The following AHCY variants were observed in gnomAD, a reference collection of about 807,000 sequenced individuals.
The protein encoded by AHCY is adenosylhomocysteinase, also known as S-adenosyl-L-homocysteine hydrolase.
AHCY carries 24 observed loss-of-function variants against 45.4 expected under a neutral mutation model. That is an observed-to-expected ratio of 0.53 (90% CI 0.38 to 0.74). AHCY has a LOEUF of 0.74. AHCY is among the 30% of genes least tolerant of loss of function. The pLI is 0.00. For synonymous variants in AHCY, 245 were observed against 235.1 expected, an observed-to-expected ratio of 1.04 and a Z score of -0.39; for missense variants, 449 against 594.1, an observed-to-expected ratio of 0.76 and a Z score of 2.54.
intron 9 of AHCY, among the ~76,000 whole-genome samples, chr20:34,282,056 T>A (rs2036021984): frequency 6.6e-6 from 1 of 152,220 alleles, no homozygotes; most frequent in Non-Finnish European, 1.5e-5. Flanking sequence ...TATCTATAAA[T>A]TCTTTGATAC....
At chr20:34,287,643 C>G (rs912175304) in intron 8 of AHCY, among the ~76,000 whole-genome samples, 1 of 151,656 alleles carries the variant, frequency 6.6e-6, no homozygotes, top group East Asian at 1.9e-4. Flanking sequence ...CCGCCTGCCT[C>G]GGCCTCCCAA....
At chr20:34,272,374 G>A in the AHCY span, among the ~76,000 whole-genome samples, 62 of 152,312 alleles carry the variant, frequency 4.1e-4, no homozygotes, top group African/African-American at 1.5e-3. Flanking sequence ...AATCAGTTCT[G>A]CAGTGGACAC....
the AHCY span, chr20:34,234,891 C>G: frequency 6.6e-6 from 1 of 151,116 alleles, no homozygotes; most frequent in African/African-American, 2.4e-5. Context: ...TCATATATTT[C>G]ATGTTTACCG....
the AHCY span, chr20:34,234,940 T>C: frequency 6.6e-6 from 1 of 152,246 alleles, no homozygotes; most frequent in African/African-American, 2.4e-5. Context: ...CGCATTTGAT[T>C]TAATCTTGTG....
chr20:34,261,507 G>A, the AHCY span, among the ~76,000 whole-genome samples: 18 of 152,146 alleles, frequency 1.2e-4, no homozygotes, highest in African/African-American at 1.9e-4. Context: ...GGTAGCATGC[G>A]CCTGTAGTCC....
chr20:34,254,961 G>C, the AHCY span, among the ~76,000 whole-genome samples: 1 of 152,104 alleles, frequency 6.6e-6, no homozygotes, highest in African/African-American at 2.4e-5. Flanking sequence ...GTTTTGCCGG[G>C]GGTTGGTCTG....
intron 1 of AHCY, chr20:34,301,863 TCA>T: frequency 5.1e-6 from 5 of 985,462 alleles, no homozygotes; most frequent in Non-Finnish European, 6.0e-6. Context: ...CCCAAGGGCC[TCA>T]GTTTCATGCT....
Position 34,281,048 on chromosome 20 carries a change from G to A in AHCY, c.1285C>T (p.His429Tyr). The change falls in exon 10 of 10, where the codon CAC becomes TAC. Residue 429 changes from histidine (H) to tyrosine (Y), a missense_variant. Physicochemically the swap from His to Tyr is moderately conservative, Grantham distance 83. Transcript: ENST00000217426. ...AGACCTGGCTCTCAGTAGCGGTAGT[G>A]ATCCGGCTTGAAGGGGCCATCACAG... Reference protein sequence around the residue: ...MSCDGPFKPDHYRY With the variant: ...MSCDGPFKPDYYRY 3 of 1,614,180 alleles carry A rather than the reference G, an allele frequency of 1.9e-6. No homozygotes were observed. The African/African-American group carries it at 4.0e-5, about 22-fold the overall frequency.
At chr20:34,235,837 GA>G in the AHCY span, among the ~76,000 whole-genome samples, 72 of 59,786 alleles carry the variant, frequency 1.2e-3, no homozygotes, top group Non-Finnish European at 1.4e-3. Flanking sequence ...AAGAAAGAAA[GA>G]AAGAAGGAAG....
Position 34,301,705 on chromosome 20 carries a change from C to T in AHCY, c.28+1538G>A, listed in dbSNP as rs1210672165. The T allele has an allele frequency of 1.7e-5, 11 of 650,226 alleles. No homozygotes were observed. The East Asian group carries it at 1.2e-3, about 73-fold the overall frequency. 40.3% of individuals were successfully genotyped at this position (650,226 alleles called of 1,614,324 possible). A position where few individuals can be genotyped will look rare whatever the true frequency, so the allele number is the denominator to read the frequency against. ...CAATCCTGACCCACTAATCTCTCCACAGTATGACAAGCCCCCATTCCAGCT... is the reference window on the plus strand; with the variant it reads ...CAATCCTGACCCACTAATCTCTCCATAGTATGACAAGCCCCCATTCCAGCT... On this transcript the variant is annotated intron_variant, in intron 1 of 9. Transcript: ENST00000217426.
the AHCY span, chr20:34,246,185 A>C: frequency 8.4e-7 from 1 of 1,189,304 alleles, no homozygotes; most frequent in Non-Finnish European, 1.2e-6. Context: ...TGCTCTAGGA[A>C]TTTTGGCCTT....
intron 2 of AHCY, chr20:34,295,076 C>T (rs1427205443): frequency 1.4e-5 from 6 of 440,448 alleles, no homozygotes; most frequent in South Asian, 2.0e-5. Flanking sequence ...CTGTGACCCC[C>T]GAAGGGCCAA....
At chr20:34,292,134 G>A (rs536635507) in intron 4 of AHCY, among the ~76,000 whole-genome samples, 4 of 152,346 alleles carry the variant, frequency 2.6e-5, no homozygotes, top group South Asian at 2.1e-4. Context: ...TCCCAACCAT[G>A]GCCCTGTCTG....
chr20:34,279,109 C>CAAAAA (rs11467322), downstream of AHCY, among the ~76,000 whole-genome samples: 1 of 55,634 alleles, frequency 1.8e-5, no homozygotes, highest in Non-Finnish European at 3.1e-5. Context: ...GACTCCGTCT[C>CAAAAA]AAAAAAAAAA....
At chr20:34,266,665 T>C in the AHCY span, among the ~76,000 whole-genome samples, 6 of 151,940 alleles carry the variant, frequency 3.9e-5, no homozygotes, top group Non-Finnish European at 7.4e-5. Flanking sequence ...ACAGCAAGAC[T>C]CCATCTCAAA....
chr20:34,282,614 A>G (rs1388696520), intron 9 of AHCY, among the ~76,000 whole-genome samples: 1 of 152,214 alleles, frequency 6.6e-6, no homozygotes, highest in African/African-American at 2.4e-5. Flanking sequence ...AAATGAGGAA[A>G]TCAAGGTTCA....
chr20:34,245,399 T>A, the AHCY span, among the ~76,000 whole-genome samples: 420 of 151,476 alleles, frequency 2.8e-3, 1 homozygote, highest in Non-Finnish European at 4.3e-3. Flanking sequence ...AATTTTATTT[T>A]ATTTTTTTAG....
chr20:34,250,711 C>T, the AHCY span, among the ~76,000 whole-genome samples: 1 of 152,106 alleles, frequency 6.6e-6, no homozygotes, highest in Non-Finnish European at 1.5e-5. Context: ...ATGGGAGAAT[C>T]GCTTGAACCC....
the AHCY span, among the ~76,000 whole-genome samples, chr20:34,273,830 TTTTG>T: frequency 6.6e-6 from 1 of 152,216 alleles, no homozygotes; most frequent in Non-Finnish European, 1.5e-5. Context: ...AAGGAATGAC[TTTTG>T]TTTAATTGGT....
Sources: allele counts gnomAD v4.1 joint callset (sites outside exome capture counted in the v4.1 genomes callset), GRCh38; gene constraint gnomAD v4.1.1; transcripts MANE v1.5; gene names NCBI Gene and HGNC (gene_info 2026-07-23, HGNC 2026-07-21).